SLC24A2: variants seen among roughly 807,000 people sequenced by gnomAD.
SLC24A2 encodes the protein sodium/potassium/calcium exchanger 2.
In SLC24A2, 36 loss-of-function variants were observed where a neutral mutation model predicts 62.0. That is an observed-to-expected ratio of 0.58 (90% CI 0.44 to 0.77). SLC24A2 has a LOEUF of 0.77. Ranked by LOEUF, SLC24A2 falls within the 30% of genes least tolerant of loss-of-function variation. The probability of loss-of-function intolerance (pLI) is 0.00; values close to 1 mark genes in which losing one functional copy is unlikely to be tolerated. For missense variants in SLC24A2, 846 were observed against 817.9 expected, an observed-to-expected ratio of 1.03 and a Z score of -0.42; for synonymous variants, 358 against 294.0, an observed-to-expected ratio of 1.22 and a Z score of -2.23.
At chr9:20,089,190 G>A in the SLC24A2 span, among the ~76,000 whole-genome samples, 1 of 152,104 alleles carries the variant, frequency 6.6e-6, no homozygotes, top group Non-Finnish European at 1.5e-5. Context: ...AGTCTGCAGG[G>A]ACCAGAAACT....
At chr9:19,527,007 G>T (rs962961969) in intron 9 of SLC24A2, among the ~76,000 whole-genome samples, 1 of 151,968 alleles carries the variant, frequency 6.6e-6, no homozygotes, top group African/African-American at 2.4e-5. Flanking sequence ...TGTGCTTTCA[G>T]TTAAATTTTA....
chr9:20,297,819 G>A, the SLC24A2 span, among the ~76,000 whole-genome samples: 3 of 152,164 alleles, frequency 2.0e-5, no homozygotes, highest in Non-Finnish European at 4.4e-5. Context: ...TCCCAGGGAC[G>A]GAACATCCTT....
the SLC24A2 span, among the ~76,000 whole-genome samples, chr9:20,030,859 C>T: frequency 7.9e-5 from 12 of 152,120 alleles, no homozygotes; most frequent in Non-Finnish European, 1.6e-4. Context: ...AATGTAGTAT[C>T]CCTTAATATG....
At chr9:19,934,416 T>C in the SLC24A2 span, among the ~76,000 whole-genome samples, 1 of 152,102 alleles carries the variant, frequency 6.6e-6, no homozygotes, top group Non-Finnish European at 1.5e-5. This position sits in a 1 kb window ranked among gnomAD's most constrained non-coding sequence, Gnocchi z 4.1. Context: ...TGTGAGAGTG[T>C]ATCCCGGACC....
intron 2 of SLC24A2, among the ~76,000 whole-genome samples, chr9:19,723,160 A>G (rs1821077785): frequency 6.6e-6 from 1 of 152,146 alleles, no homozygotes; most frequent in Non-Finnish European, 1.5e-5. Context: ...ATTGTTTTTC[A>G]ATGACAGATG....
the SLC24A2 span, among the ~76,000 whole-genome samples, chr9:20,150,170 A>G: frequency 5.3e-5 from 8 of 152,044 alleles, no homozygotes; most frequent in East Asian, 1.5e-3. Context: ...TGAACAAGAA[A>G]TAAGATTCTG....
chr9:19,737,532 C>A (rs956748130), intron 2 of SLC24A2, among the ~76,000 whole-genome samples: 1 of 151,752 alleles, frequency 6.6e-6, no homozygotes, highest in African/African-American at 2.4e-5. Context: ...ATAAGATATC[C>A]ATATAATCGG....
the SLC24A2 span, among the ~76,000 whole-genome samples, chr9:20,229,694 T>C: frequency 3.9e-5 from 6 of 152,156 alleles, no homozygotes; most frequent in African/African-American, 1.4e-4. Context: ...AGTATATTCA[T>C]TTATATTTTG....
At chr9:20,263,858 C>CCCA in the SLC24A2 span, among the ~76,000 whole-genome samples, 58 of 32,616 alleles carry the variant, frequency 1.8e-3, no homozygotes, top group East Asian at 6.0e-3. Context: ...GGATATCCCA[C>CCCA]CCGCCCCCCC....
chr9:20,079,787 T>G, the SLC24A2 span, among the ~76,000 whole-genome samples: 4 of 152,298 alleles, frequency 2.6e-5, no homozygotes, highest in East Asian at 7.7e-4. Context: ...TTTTGTATCC[T>G]GAGACTTGGC....
chr9:20,211,813 C>T, the SLC24A2 span, among the ~76,000 whole-genome samples: 1 of 151,900 alleles, frequency 6.6e-6, no homozygotes, highest in Non-Finnish European at 1.5e-5. Flanking sequence ...TAAGGAGTCT[C>T]AAAATATTTG....
At chr9:19,602,131 C>T (rs752123589) in intron 4 of SLC24A2, among the ~76,000 whole-genome samples, 1 of 152,136 alleles carries the variant, frequency 6.6e-6, no homozygotes, top group East Asian at 1.9e-4. Context: ...TTTTTATTAC[C>T]AGTGTGACTT....
At position 19,572,665 on chromosome 9, in the gene SLC24A2, C is replaced by T. The variant is rs1586981654; in HGVS notation, c.1347+686G>A. 3.9e-5 allele frequency among the ~76,000 whole-genome samples: 6 copies of T among 152,208 alleles called. No homozygotes were observed. The South Asian group carries it at 1.2e-3, about 31-fold the overall frequency. Reference sequence around the variant, plus strand: ...ACTATAAGTCAATTAAACCTCTTTTCTTCATAAGTTCTCTATAGCAGTGTG... The same window carrying T: ...ACTATAAGTCAATTAAACCTCTTTTTTTCATAAGTTCTCTATAGCAGTGTG... On this transcript the variant is annotated intron_variant, in intron 7 of 10. Coordinates refer to ENST00000341998, the MANE Select transcript of SLC24A2 (RefSeq NM_020344.4).
At chr9:19,970,217 T>A in the SLC24A2 span, among the ~76,000 whole-genome samples, 1 of 152,138 alleles carries the variant, frequency 6.6e-6, no homozygotes, top group Non-Finnish European at 1.5e-5. Context: ...CCCCTGAAAG[T>A]GGAAGGGAAC....
the SLC24A2 span, among the ~76,000 whole-genome samples, chr9:19,914,203 C>T: frequency 6.6e-6 from 1 of 151,996 alleles, no homozygotes; most frequent in African/African-American, 2.4e-5. Flanking sequence ...TTGACACCTG[C>T]CACTTGAGTG....
At chr9:20,041,963 T>C in the SLC24A2 span, among the ~76,000 whole-genome samples, 1 of 152,240 alleles carries the variant, frequency 6.6e-6, no homozygotes, top group Non-Finnish European at 1.5e-5. Flanking sequence ...GACTCTGCAC[T>C]GTGGCCGCAG....
At chr9:19,883,734 T>A in the SLC24A2 span, among the ~76,000 whole-genome samples, 2 of 151,986 alleles carry the variant, frequency 1.3e-5, no homozygotes, top group Non-Finnish European at 2.9e-5. Flanking sequence ...CCTGGCGAAT[T>A]TTTTGTATTT....
the SLC24A2 span, among the ~76,000 whole-genome samples, chr9:19,833,476 T>C: frequency 5.9e-5 from 9 of 152,170 alleles, no homozygotes; most frequent in South Asian, 1.4e-3. Context: ...ACCTCGCTCA[T>C]TGCTAGCACA....
intron 7 of SLC24A2, among the ~76,000 whole-genome samples, chr9:19,568,932 G>A (rs1835757258): frequency 6.6e-6 from 1 of 152,132 alleles, no homozygotes; most frequent in Admixed American, 6.6e-5. Flanking sequence ...ATGTTTATAT[G>A]CTATTTCCCT....
Sources: allele counts gnomAD v4.1 joint callset (sites outside exome capture counted in the v4.1 genomes callset), GRCh38; gene constraint gnomAD v4.1.1; non-coding constraint Gnocchi (gnomAD v3.1); transcripts MANE v1.5; gene names NCBI Gene and HGNC (gene_info 2026-07-23, HGNC 2026-07-21).